The following LHX4 variants were observed in gnomAD, a reference collection of about 807,000 sequenced individuals.
LHX4 encodes LIM/homeobox protein Lhx4.
LHX4 carries 16 observed loss-of-function variants against 39.2 expected under a neutral mutation model. The observed-to-expected ratio is 0.41, with a 90% CI of 0.28 to 0.62. The LOEUF is 0.62. Among genes scored for constraint, LHX4 ranks in the 20% least tolerant of loss-of-function variants. The pLI, the probability that LHX4 is intolerant of heterozygous loss-of-function variation, is 0.33. For synonymous variants in LHX4, 206 were observed against 198.1 expected, an observed-to-expected ratio of 1.04 and a Z score of -0.33; for missense variants, 439 against 511.9, an observed-to-expected ratio of 0.86 and a Z score of 1.37.
chr1:180,267,381 C>T (rs530714044), intron 3 of LHX4, among the ~76,000 whole-genome samples: 29 of 152,394 alleles, frequency 1.9e-4, no homozygotes, highest in Non-Finnish European at 3.7e-4. Flanking sequence ...CTGGCGGCAG[C>T]GGCTCTCGCC....
intron 3 of LHX4, among the ~76,000 whole-genome samples, chr1:180,267,335 C>A (rs1012064869): frequency 6.6e-5 from 10 of 152,280 alleles, no homozygotes; most frequent in Non-Finnish European, 1.2e-4. Context: ...TCAGGTCCCG[C>A]ATTTAGCAGC....
In LHX4 at chr1:180,271,822, G is replaced by A; in HGVS notation, c.607-13G>A. ...GACGCCCCCTGAGTATGTCCCTTGT[G>A]CTTGTGTGGCAGGTTTGGTTTCAGA... On this transcript the variant is annotated splice_polypyrimidine_tract_variant and intron_variant, in intron 4 of 5. Coordinates refer to ENST00000263726, the MANE Select transcript of LHX4 (RefSeq NM_033343.4). 6.2e-7 allele frequency: 1 copy of A among 1,613,854 alleles called. No individual in the cohort carries two copies. The highest frequency in any genetic ancestry group is 8.5e-7 in the Non-Finnish European group (1 of 1,179,982).
At chr1:180,249,872 T>TGA (rs1553280285) in intron 2 of LHX4, among the ~76,000 whole-genome samples, 4 of 150,090 alleles carry the variant, frequency 2.7e-5, no homozygotes, top group East Asian at 1.9e-4. Context: ...TCCCTACGTG[T>TGA]GTGTGCGTGT....
At chr1:180,230,219 G>T, upstream of LHX4, 1 of 463,740 alleles carries the variant, frequency 2.2e-6, no homozygotes, top group South Asian at 2.2e-5. The surrounding 1 kb of genome is among the most constrained non-coding windows in gnomAD (Gnocchi z 5.8). Flanking sequence ...AAGGGTGGAG[G>T]GGGAGGGGGA....
Position 180,234,946 on chromosome 1 carries a change from T to C in LHX4, c.76+4341T>C, listed in dbSNP as rs1664276800. Reference sequence around the variant, plus strand: ...CCTGGGTGGCCCGGGGAACAGACGATGAATTCTTTAAATGAGCGTTTGCTG... The same window carrying C: ...CCTGGGTGGCCCGGGGAACAGACGACGAATTCTTTAAATGAGCGTTTGCTG... On this transcript the variant is annotated intron_variant, in intron 1 of 5. Transcript: ENST00000263726. This position sits in a 1 kb window ranked among gnomAD's most constrained non-coding sequence, Gnocchi z 4.8. Among the ~76,000 whole-genome samples, 2 of 152,132 alleles carry C rather than the reference T, an allele frequency of 1.3e-5. 1 individual carries two copies. The highest frequency in any genetic ancestry group is 2.9e-5 in the Non-Finnish European group (2 of 68,000).
intron 2 of LHX4, among the ~76,000 whole-genome samples, chr1:180,263,101 GA>G (rs2149262081): frequency 6.6e-6 from 1 of 152,290 alleles, no homozygotes; most frequent in Non-Finnish European, 1.5e-5. Context: ...GTGCTGCTTG[GA>G]AAAGCCCTTG....
chr1:180,274,711 C>CT lies in LHX4; in HGVS notation c.*133dup. On this transcript the variant is annotated 3_prime_UTR_variant, in exon 6 of 6. Transcript: ENST00000263726. The stretch of plus-strand genomic sequence containing the variant: ...CATTATTTTCAATGGAAGTCCTCCG[C>CT]TGATTCCTAGAAGGCTGTGAGACCA... 9.0e-7 allele frequency: 1 copy of CT among 1,111,378 alleles called. No homozygotes were observed. Among genetic ancestry groups the CT allele is most frequent in the Non-Finnish European group, 1.3e-6 (1 of 789,030 alleles). 68.8% of individuals were successfully genotyped at this position (1,111,378 alleles called of 1,614,324 possible). A position where few individuals can be genotyped will look rare whatever the true frequency, so the allele number is the denominator to read the frequency against.
In LHX4 at chr1:180,266,063, G is replaced by A. The variant is rs986228450; in HGVS notation, c.249-329G>A. ...GGTGGAGGGGGAGACAGCCTGCTTT[G>A]AGGGACTTAGAAAGTCCACCTGCTC... On this transcript the variant is annotated intron_variant, in intron 2 of 5. Transcript: ENST00000263726. This position sits in a 1 kb window ranked among gnomAD's most constrained non-coding sequence, Gnocchi z 5.7. Among the ~76,000 whole-genome samples the A allele has an allele frequency of 6.6e-6, 1 of 152,186 alleles. No homozygotes were observed. Among genetic ancestry groups the A allele is most frequent in the Admixed American group, 6.5e-5 (1 of 15,280 alleles).
chr1:180,248,640 C>A, intron 2 of LHX4, 184 bp downstream of exon 2: 1 of 694,940 alleles, frequency 1.4e-6, no homozygotes, highest in Non-Finnish European at 2.6e-6. Flanking sequence ...TGGCCCATCA[C>A]TGCCAGAGGT....
At chr1:180,229,949 GAGGCGGAGGCGGGGA>G (rs1228172484), upstream of LHX4, among the ~76,000 whole-genome samples, 2 of 100,046 alleles carry the variant, frequency 2.0e-5, no homozygotes, top group African/African-American at 8.7e-5. Flanking sequence ...GGCGGAGGCG[GAGGCGGAGGCGGGGA>G]GGGGGGGGGG....
intron 2 of LHX4, among the ~76,000 whole-genome samples, chr1:180,250,990 T>G (rs1647606244): frequency 6.6e-6 from 1 of 152,172 alleles, no homozygotes; most frequent in Admixed American, 6.5e-5. Context: ...GGCCCTCTTT[T>G]GGATCCTTTC....
At chr1:180,248,887 C>A (rs115250906) in intron 2 of LHX4, among the ~76,000 whole-genome samples, 1 of 152,340 alleles carries the variant, frequency 6.6e-6, no homozygotes, top group South Asian at 2.1e-4. Context: ...CATCCAGAGG[C>A]GTCTCTGTGA....
intron 2 of LHX4, among the ~76,000 whole-genome samples, chr1:180,256,534 C>T (rs764060256): frequency 1.2e-4 from 18 of 152,200 alleles, no homozygotes; most frequent in Non-Finnish European, 2.6e-4. Context: ...TGCCATGCGC[C>T]GTCTGGAGAA....
intron 1 of LHX4, among the ~76,000 whole-genome samples, chr1:180,241,433 A>G (rs908492509): frequency 6.6e-6 from 1 of 152,238 alleles, no homozygotes; most frequent in Admixed American, 6.5e-5. Flanking sequence ...CTTTATAGAC[A>G]TGCATCTTGT....
Position 180,276,522 on chromosome 1 carries a change from T to G in LHX4, c.*1943T>G, listed in dbSNP as rs558085840. On this transcript the variant is annotated 3_prime_UTR_variant, in exon 6 of 6. Coordinates refer to ENST00000263726, the MANE Select transcript of LHX4 (RefSeq NM_033343.4). ...TCCATGTTTATGGATGATGTTGTGT[T>G]AATCCTAGCCAATTCTGTGCTATTG... 6.6e-6 allele frequency: 1 copy of G among 152,214 alleles called. No individual in the cohort carries two copies. Among genetic ancestry groups the G allele is most frequent in the Non-Finnish European group, 1.5e-5 (1 of 68,040 alleles). The allele number at this position is 152,214 out of a possible 1,614,324, so 9.4% of individuals were successfully genotyped here.
At chr1:180,262,780 ACTCATTCGTTTG>A (rs1371830937) in intron 2 of LHX4, among the ~76,000 whole-genome samples, 1 of 151,784 alleles carries the variant, frequency 6.6e-6, no homozygotes, top group Non-Finnish European at 1.5e-5. Flanking sequence ...TCGTTCGTTC[ACTCATTCGTTTG>A]CTCATTCGTT....
At chr1:180,249,876 TGC>T (rs1553280288) in intron 2 of LHX4, among the ~76,000 whole-genome samples, 3 of 151,662 alleles carry the variant, frequency 2.0e-5, no homozygotes, top group Admixed American at 1.3e-4. Flanking sequence ...TACGTGTGTG[TGC>T]GTGTGTGAGT....
rs901274276 is a variant in LHX4 at position 180,275,661 on chromosome 1, C to G, written c.*1082C>G. 1 of 152,176 alleles carries G rather than the reference C, an allele frequency of 6.6e-6. No individual in the cohort carries two copies. Among genetic ancestry groups the G allele is most frequent in the Admixed American group, 6.5e-5 (1 of 15,276 alleles). The allele number at this position is 152,176 out of a possible 1,614,324, so 9.4% of individuals were successfully genotyped here. A position where few individuals can be genotyped will look rare whatever the true frequency, so the allele number is the denominator to read the frequency against. On this transcript the variant is annotated 3_prime_UTR_variant, in exon 6 of 6. Transcript: ENST00000263726. ...AATTGGAGGACAGTTTTGGTCATTT[C>G]CAGGAACCAGCAATTTTTTTTTGGC...
chr1:180,277,597 T>C lies in LHX4; in HGVS notation c.*3018T>C, dbSNP rs1003187117. On this transcript the variant is annotated 3_prime_UTR_variant, in exon 6 of 6. Coordinates refer to ENST00000263726, the MANE Select transcript of LHX4 (RefSeq NM_033343.4). ...GAACGTAATGAAACCATGGAGGAAA[T>C]ACCAGATTTAAGGGCTAAGAAGCTG... is the stretch of plus-strand genomic sequence containing the variant. 2.0e-5 allele frequency: 3 copies of C among 152,122 alleles called. No homozygotes were observed. Among genetic ancestry groups the C allele is most frequent in the Admixed American group, 2.0e-4 (3 of 15,264 alleles). The allele number at this position is 152,122 out of a possible 1,614,324, so 9.4% of individuals were successfully genotyped here. A position where few individuals can be genotyped will look rare whatever the true frequency, so the allele number is the denominator to read the frequency against.
Sources: gnomAD v4.1 joint callset for allele counts (sites outside exome capture counted in the v4.1 genomes callset) on GRCh38, gnomAD v4.1.1 for gene constraint, Gnocchi (gnomAD v3.1) non-coding constraint, MANE v1.5 for transcripts, NCBI Gene and HGNC (gene_info 2026-07-23, HGNC 2026-07-21) for gene names.